Variants in RHBDL3 observed in about 807,000 individuals in gnomAD.
The protein encoded by RHBDL3 is rhomboid like 3, also known as rhomboid-related protein 3.
RHBDL3 carries 28 observed loss-of-function variants against 48.2 expected under a neutral mutation model. The observed-to-expected ratio is 0.58, with a 90% confidence interval of 0.43 to 0.80. The LOEUF is 0.80. RHBDL3 is among the 30% of genes least tolerant of loss of function. RHBDL3 has a pLI of 0.00. For missense variants in RHBDL3, 464 were observed against 542.7 expected (o/e 0.85, Z 1.44); for synonymous variants, 208 against 232.3 (o/e 0.90, Z 0.95).
intron 7 of RHBDL3, among the ~76,000 whole-genome samples, chr17:32,310,304 G>A (rs1202173134): frequency 6.6e-6 from 1 of 151,928 alleles, no homozygotes; most frequent in Non-Finnish European, 1.5e-5. Context: ...TTTATTGGCC[G>A]GGCGTGGTGG....
chr17:32,289,054 G>A (rs2040266009), intron 4 of RHBDL3, 38 bp downstream of exon 4: 1 of 1,564,182 alleles, frequency 6.4e-7, no homozygotes, highest in African/African-American at 1.4e-5. Context: ...CTCTGCCTTG[G>A]GGAGTGGCGG....
rs1226017712 is a variant in RHBDL3 at position 32,265,883 on chromosome 17, C to T, written c.-307C>T. Among the ~76,000 whole-genome samples the T allele has an allele frequency of 6.8e-6, 1 of 146,860 alleles. No homozygotes were observed. The highest frequency in any genetic ancestry group is 1.5e-5 in the Non-Finnish European group (1 of 65,884). Reference sequence around the variant, plus strand: ...AAGGGAGCGCGGGGAGCGGCGGGGCCGGGGCCGGCCCAAGGGCGCCCTCGC... The same window carrying T: ...AAGGGAGCGCGGGGAGCGGCGGGGCTGGGGCCGGCCCAAGGGCGCCCTCGC... On this transcript the variant is annotated 5_prime_UTR_variant, in exon 1 of 9. Transcript: ENST00000269051.
Position 32,288,977 on chromosome 17 carries a change from C to T in RHBDL3, c.480C>T (p.Cys160=). 2 of 1,614,124 alleles carry T rather than the reference C, an allele frequency of 1.2e-6. No individual in the cohort carries two copies. The highest frequency in any genetic ancestry group is 1.7e-6 in the Non-Finnish European group (2 of 1,180,002). ...GGTACTATGACAGCTACACCTGCTG[C>T]CCCCCACCCTGGTTCATGATCACAG... The part of the protein sequence containing the change: ...RKWYYDSYTC[C]PPPWFMITVT... The change falls in exon 4 of 9, where the codon TGC becomes TGT. Residue 160 remains cysteine, a synonymous_variant. Coordinates refer to ENST00000269051, the MANE Select transcript of RHBDL3 (RefSeq NM_138328.3).
intron 2 of RHBDL3, among the ~76,000 whole-genome samples, chr17:32,274,053 C>T (rs919837919): frequency 3.9e-5 from 6 of 152,210 alleles, no homozygotes; most frequent in African/African-American, 1.2e-4. Context: ...GGTCTTGAAT[C>T]GAAGTGTTCA....
intron 4 of RHBDL3, among the ~76,000 whole-genome samples, chr17:32,294,093 A>C (rs372044596): frequency 1.4e-5 from 2 of 147,098 alleles, no homozygotes; most frequent in African/African-American, 5.1e-5. Context: ...GTGCCATTGC[A>C]CTCCAGCCTG....
chr17:32,296,109 TC>T (rs1036233381), intron 5 of RHBDL3, among the ~76,000 whole-genome samples: 6 of 151,340 alleles, frequency 4.0e-5, no homozygotes, highest in Non-Finnish European at 8.8e-5. Flanking sequence ...GCGCCTGTAG[TC>T]CCACCTACTC....
In RHBDL3 at chr17:32,324,464, G is replaced by A. The variant is rs1185384821; in HGVS notation, c.*3235G>A. On this transcript the variant is annotated 3_prime_UTR_variant, in exon 9 of 9. Coordinates refer to ENST00000269051, the MANE Select transcript of RHBDL3 (RefSeq NM_138328.3). Reference sequence around the variant, plus strand: ...TGTTGCTCCCCGTGCTGGCTGGAAAGCACGGTTCTCCTCTGCCTTAAAAAC... The same window carrying A: ...TGTTGCTCCCCGTGCTGGCTGGAAAACACGGTTCTCCTCTGCCTTAAAAAC... 2 of 152,642 alleles carry A rather than the reference G, an allele frequency of 1.3e-5. No individual in the cohort carries two copies. The highest frequency in any genetic ancestry group is 2.9e-5 in the Non-Finnish European group (2 of 68,044). 9.5% of individuals were successfully genotyped at this position (152,642 alleles called of 1,614,324 possible). A position where few individuals can be genotyped will look rare whatever the true frequency, so the allele number is the denominator to read the frequency against.
intron 8 of RHBDL3, among the ~76,000 whole-genome samples, chr17:32,318,681 C>G (rs1014276163): frequency 6.6e-6 from 1 of 152,060 alleles, no homozygotes; most frequent in African/African-American, 2.4e-5. Flanking sequence ...AAATGTCCCA[C>G]ATGTTAGCCA....
chr17:32,278,298 A>G (rs2039960447), intron 2 of RHBDL3, among the ~76,000 whole-genome samples: 1 of 152,192 alleles, frequency 6.6e-6, no homozygotes, highest in African/African-American at 2.4e-5. Context: ...CTCCATCTCA[A>G]AAAAATAAAA....
intron 2 of RHBDL3, among the ~76,000 whole-genome samples, chr17:32,272,988 A>ATTTTGT (rs139544845): frequency 1.3e-5 from 2 of 151,994 alleles, no homozygotes; most frequent in African/African-American, 2.4e-5. Context: ...CAGTCTGCTC[A>ATTTTGT]TTTTGTTTTT....
At chr17:32,267,655 G>GGCGGCCC in intron 1 of RHBDL3, 2 of 306,120 alleles carry the variant, frequency 6.5e-6, no homozygotes, top group African/African-American at 2.3e-5. Flanking sequence ...CACCCACCTT[G>GGCGGCCC]CCGCCCCCGC....
chr17:32,280,102 G>T (rs367928653), intron 2 of RHBDL3, among the ~76,000 whole-genome samples: 1 of 152,168 alleles, frequency 6.6e-6, no homozygotes, highest in Admixed American at 6.5e-5. Context: ...TGTGTCTTCC[G>T]CTCAGGCTGA....
chr17:32,269,119 G>A (rs943413016), intron 2 of RHBDL3, among the ~76,000 whole-genome samples: 5 of 152,118 alleles, frequency 3.3e-5, no homozygotes, highest in South Asian at 2.1e-4. Context: ...AGGCTAAGGC[G>A]GGAGGATCAC....
chr17:32,306,103 A>G (rs2150741517), intron 7 of RHBDL3, among the ~76,000 whole-genome samples: 1 of 152,258 alleles, frequency 6.6e-6, no homozygotes, highest in East Asian at 1.9e-4. Context: ...TGAGGGCTTA[A>G]ACCCGTATCT....
At chr17:32,320,169 T>C (rs577183087) in intron 8 of RHBDL3, among the ~76,000 whole-genome samples, 1 of 152,038 alleles carries the variant, frequency 6.6e-6, no homozygotes, top group Non-Finnish European at 1.5e-5. Context: ...CCCAGCTACT[T>C]GGGAGGCTGA....
chr17:32,285,732 G>A (rs2040183155), intron 3 of RHBDL3, among the ~76,000 whole-genome samples: 1 of 152,188 alleles, frequency 6.6e-6, no homozygotes, highest in Non-Finnish European at 1.5e-5. Context: ...GATGGAGCTG[G>A]TCACCTCTCT....
chr17:32,308,989 C>T (rs901921470), intron 7 of RHBDL3, among the ~76,000 whole-genome samples: 1 of 151,986 alleles, frequency 6.6e-6, no homozygotes, highest in African/African-American at 2.4e-5. Context: ...TCACTTGAAC[C>T]TAGGAGGCAG....
intron 2 of RHBDL3, among the ~76,000 whole-genome samples, chr17:32,274,305 C>A (rs1312794594): frequency 6.6e-6 from 1 of 152,156 alleles, no homozygotes; most frequent in Admixed American, 6.6e-5. Flanking sequence ...TGGAGCTTTA[C>A]TTAGTGGTCT....
intron 7 of RHBDL3, among the ~76,000 whole-genome samples, chr17:32,314,218 C>T (rs1158279678): frequency 6.6e-6 from 1 of 151,774 alleles, no homozygotes; most frequent in African/African-American, 2.4e-5. Context: ...AAGGGGTGGC[C>T]GGTCAGTGAG....
Sources: allele counts gnomAD v4.1 joint callset (sites outside exome capture counted in the v4.1 genomes callset), GRCh38; gene constraint gnomAD v4.1.1; transcripts MANE v1.5; gene names NCBI Gene and HGNC (gene_info 2026-07-23, HGNC 2026-07-21).